The following SLC4A4 variants were observed in gnomAD, a reference collection of about 807,000 sequenced individuals.
The protein encoded by SLC4A4 is electrogenic sodium bicarbonate cotransporter 1.
Under a neutral mutation model 111.5 loss-of-function variants are expected in SLC4A4, and 27 were observed. The observed-to-expected ratio is 0.24, with a 90% CI of 0.18 to 0.33. SLC4A4 has a LOEUF of 0.33. Among genes scored for constraint, SLC4A4 ranks in the 10% least tolerant of loss-of-function variants. SLC4A4 has a pLI of 1.00. For synonymous variants in SLC4A4, 443 were observed against 463.4 expected, an observed-to-expected ratio of 0.96 and a Z score of 0.57; for missense variants, 909 against 1,315.5, an observed-to-expected ratio of 0.69 and a Z score of 4.78.
chr4:71,499,381 T>C (rs1160119335), intron 16 of SLC4A4, among the ~76,000 whole-genome samples: 1 of 152,192 alleles, frequency 6.6e-6, no homozygotes, highest in African/African-American at 2.4e-5. Flanking sequence ...ATGTATATGT[T>C]GTGGAATGAT....
chr4:71,181,254 T>C (rs3113799), intron 2 of SLC4A4, among the ~76,000 whole-genome samples: 120,600 of 147,366 alleles, frequency 0.82, 52,446 homozygotes, highest in Non-Finnish European at 0.95. Flanking sequence ...TTAGGAGATA[T>C]ATCTAATGTT....
chr4:71,162,593 G>A (rs1245868361), intron 2 of SLC4A4, among the ~76,000 whole-genome samples: 1 of 152,140 alleles, frequency 6.6e-6, no homozygotes, highest in East Asian at 1.9e-4. Context: ...CATGAGAGAG[G>A]GGTGTGAACC....
At chr4:71,527,231 G>T (rs896607438) in intron 16 of SLC4A4, among the ~76,000 whole-genome samples, 1 of 152,074 alleles carries the variant, frequency 6.6e-6, no homozygotes, top group Non-Finnish European at 1.5e-5. Flanking sequence ...GAAGCAGGAA[G>T]ACTATGTAGG....
chr4:71,333,512 A>G (rs1488516292), intron 3 of SLC4A4, among the ~76,000 whole-genome samples: 1 of 152,206 alleles, frequency 6.6e-6, no homozygotes, highest in Non-Finnish European at 1.5e-5. Context: ...GATCTCACCC[A>G]AGGCCCACAG....
intron 2 of SLC4A4, among the ~76,000 whole-genome samples, chr4:71,105,546 A>C: frequency 6.6e-6 from 1 of 150,634 alleles, no homozygotes; most frequent in Non-Finnish European, 1.5e-5. Flanking sequence ...AGTAACCAAA[A>C]CAGCATGGTA....
intron 14 of SLC4A4, among the ~76,000 whole-genome samples, chr4:71,477,368 C>A (rs1252184912): frequency 2.0e-5 from 3 of 151,720 alleles, no homozygotes; most frequent in Admixed American, 6.6e-5. Context: ...TAGTTGTATT[C>A]TTTAAAGATT....
At chr4:71,448,460 CTAATAAAATGGA>C (rs1725458147) in intron 9 of SLC4A4, among the ~76,000 whole-genome samples, 1 of 151,652 alleles carries the variant, frequency 6.6e-6, no homozygotes, top group South Asian at 2.1e-4. Flanking sequence ...AAAATAATGT[CTAATAAAATGGA>C]TAATGCATTT....
At chr4:71,528,803 A>C (rs569280493) in intron 16 of SLC4A4, among the ~76,000 whole-genome samples, 1 of 152,186 alleles carries the variant, frequency 6.6e-6, no homozygotes, top group Admixed American at 6.5e-5. Flanking sequence ...GAAATAGAAT[A>C]AAAGTGGAAA....
At chr4:71,473,249 A>G in intron 14 of SLC4A4, 1 of 609,166 alleles carries the variant, frequency 1.6e-6, no homozygotes. Flanking sequence ...ATTCATGTGT[A>G]CATTATTCTT....
chr4:71,251,781 T>C (rs1360264074), intron 2 of SLC4A4, among the ~76,000 whole-genome samples: 1 of 152,234 alleles, frequency 6.6e-6, no homozygotes, highest in Non-Finnish European at 1.5e-5. Context: ...TAAAATTTTT[T>C]CCACTCCTCC....
intron 3 of SLC4A4, among the ~76,000 whole-genome samples, chr4:71,264,432 C>T (rs1722090276): frequency 6.6e-6 from 1 of 152,082 alleles, no homozygotes; most frequent in Admixed American, 6.5e-5. Context: ...GATTCTACTT[C>T]ATTTATGAGG....
intron 1 of SLC4A4, among the ~76,000 whole-genome samples, chr4:71,203,990 A>G (rs1746369763): frequency 6.6e-6 from 1 of 152,200 alleles, no homozygotes; most frequent in Non-Finnish European, 1.5e-5. Flanking sequence ...TGTAAATTCC[A>G]GAAAAGCCAT....
chr4:71,344,884 A>G (rs956564828), intron 4 of SLC4A4, among the ~76,000 whole-genome samples: 6 of 152,124 alleles, frequency 3.9e-5, no homozygotes, highest in Admixed American at 1.3e-4. Context: ...CAGGAATTTC[A>G]GGTTGGCCCT....
intron 1 of SLC4A4, chr4:71,236,111 A>ATG (rs1461498957): frequency 5.0e-5 from 51 of 1,016,190 alleles, no homozygotes; most frequent in Middle Eastern, 5.0e-4. Flanking sequence ...GTGGGTGTGC[A>ATG]TGTGTGTGTG....
At position 71,547,641 on chromosome 4, in the gene SLC4A4, G is replaced by T. The variant is rs1039420208; in HGVS notation, c.2622-7G>T. On this transcript the variant is annotated splice_polypyrimidine_tract_variant and splice_region_variant and intron_variant, in intron 19 of 25. Coordinates refer to ENST00000264485, the MANE Select transcript of SLC4A4 (RefSeq NM_001098484.3). ...GGTAGATTGGTAATCTTTTGATTTG[G>T]TTTCAGGGAACAAAGAGTCACTGGA... The T allele has an allele frequency of 6.2e-7, 1 of 1,610,336 alleles. No homozygotes were observed. The highest frequency in any genetic ancestry group is 1.7e-5 in the Admixed American group (1 of 59,872).
intron 2 of SLC4A4, among the ~76,000 whole-genome samples, chr4:71,118,104 G>A (rs891875778): frequency 5.3e-5 from 8 of 152,040 alleles, no homozygotes; most frequent in African/African-American, 1.9e-4. Context: ...TCGAACTCCC[G>A]ACCTCAGGTG....
intron 1 of SLC4A4, among the ~76,000 whole-genome samples, chr4:71,063,784 C>G (rs1741446667): frequency 6.6e-6 from 1 of 152,012 alleles, no homozygotes; most frequent in Non-Finnish European, 1.5e-5. Flanking sequence ...AATTTTGCCA[C>G]TAGGAAAAGG....
intron 2 of SLC4A4, among the ~76,000 whole-genome samples, chr4:71,151,302 G>C (rs559971761): frequency 6.6e-6 from 1 of 152,106 alleles, no homozygotes; most frequent in East Asian, 1.9e-4. Flanking sequence ...TCATTTTAAT[G>C]ACATATAGAC....
intron 6 of SLC4A4, among the ~76,000 whole-genome samples, chr4:71,380,871 A>G (rs975222301): frequency 1.3e-5 from 2 of 152,304 alleles, no homozygotes; most frequent in African/African-American, 4.8e-5. Context: ...GTCTGCTCAT[A>G]AGAAGTGTAG....
Sources: gnomAD v4.1 joint callset for allele counts (sites outside exome capture counted in the v4.1 genomes callset) on GRCh38, gnomAD v4.1.1 for gene constraint, MANE v1.5 for transcripts, NCBI Gene and HGNC (gene_info 2026-07-23, HGNC 2026-07-21) for gene names.